The following CNGB3 variants were observed in gnomAD, a reference collection of about 807,000 sequenced individuals.
CNGB3 encodes cyclic nucleotide-gated channel beta-3.
In CNGB3, 86 loss-of-function variants were observed where a neutral mutation model predicts 92.8. The ratio of observed to expected loss-of-function variants is 0.93; its 90% CI spans 0.78 to 1.11. The LOEUF is 1.11. Among genes scored for constraint, CNGB3 ranks in the 50% least tolerant of loss-of-function variants. CNGB3 has a pLI of 0.00. For missense variants in CNGB3, 1,026 were observed against 956.8 expected (o/e 1.07, Z -0.95); for synonymous variants, 333 against 332.7 (o/e 1.00, Z -0.01).
chr8:86,690,543 GC>G (rs748401015), intron 3 of CNGB3, among the ~76,000 whole-genome samples: 26 of 152,158 alleles, frequency 1.7e-4, no homozygotes, highest in Non-Finnish European at 3.7e-4. Flanking sequence ...CTTTTGCTGT[GC>G]AGAAGCTCTT....
chr8:86,728,890 A>G (rs1825110689), intron 2 of CNGB3, among the ~76,000 whole-genome samples: 1 of 152,136 alleles, frequency 6.6e-6, no homozygotes, highest in African/African-American at 2.4e-5. Context: ...ACTGTAAAAC[A>G]TTTCTTAAAG....
chr8:86,726,383 T>C, intron 3 of CNGB3, 148 bp downstream of exon 3: 2 of 1,119,032 alleles, frequency 1.8e-6, no homozygotes, highest in Non-Finnish European at 2.7e-6. Context: ...ACCAACCTTT[T>C]AGTTCTGACA....
At chr8:86,643,057 G>A (rs1370374696) in intron 10 of CNGB3, among the ~76,000 whole-genome samples, 1 of 150,916 alleles carries the variant, frequency 6.6e-6, no homozygotes, top group Non-Finnish European at 1.5e-5. Flanking sequence ...TTTTGATCAT[G>A]ATCCAGAGTA....
At chr8:86,694,548 T>C (rs1490413342) in intron 3 of CNGB3, among the ~76,000 whole-genome samples, 1 of 143,666 alleles carries the variant, frequency 7.0e-6, no homozygotes, top group Non-Finnish European at 1.5e-5. Flanking sequence ...TCAGACGGGG[T>C]GGTTGCCAGG....
chr8:86,645,434 C>T (rs1030155526), intron 8 of CNGB3, among the ~76,000 whole-genome samples: 1 of 151,204 alleles, frequency 6.6e-6, no homozygotes, highest in Non-Finnish European at 1.5e-5. Flanking sequence ...GGAAAAGTCT[C>T]TTGCTATTTC....
intron 13 of CNGB3, among the ~76,000 whole-genome samples, chr8:86,624,972 C>A (rs1822817547): frequency 6.6e-6 from 1 of 152,146 alleles, no homozygotes; most frequent in Admixed American, 6.5e-5. Flanking sequence ...CTGACCACAC[C>A]TGCCTTGGTC....
At chr8:86,728,590 G>A (rs1825104516) in intron 2 of CNGB3, among the ~76,000 whole-genome samples, 1 of 152,250 alleles carries the variant, frequency 6.6e-6, no homozygotes, top group African/African-American at 2.4e-5. Context: ...GACAATTACT[G>A]TATGATATTT....
At chr8:86,661,939 A>AAG in intron 6 of CNGB3, 1 of 679,762 alleles carries the variant, frequency 1.5e-6, no homozygotes, top group South Asian at 1.7e-5. Context: ...TAGGCACGAG[A>AAG]AGAGGCTCAA....
intron 13 of CNGB3, among the ~76,000 whole-genome samples, chr8:86,619,622 C>A (rs893791061): frequency 3.3e-5 from 5 of 151,472 alleles, no homozygotes; most frequent in African/African-American, 1.2e-4. Context: ...AGATTCAGAG[C>A]CTTTTCTTAG....
At chr8:86,622,119 CT>C (rs1423159784) in intron 13 of CNGB3, among the ~76,000 whole-genome samples, 3 of 152,076 alleles carry the variant, frequency 2.0e-5, no homozygotes, top group Admixed American at 6.6e-5. Context: ...TATTTTGTTC[CT>C]TTTTATGGCT....
At chr8:86,635,097 T>C (rs2131587243) in intron 10 of CNGB3, among the ~76,000 whole-genome samples, 1 of 152,176 alleles carries the variant, frequency 6.6e-6, no homozygotes, top group Non-Finnish European at 1.5e-5. Flanking sequence ...CAGTCTTCCT[T>C]GGACTTACTA....
At chr8:86,642,995 G>A (rs762091943) in intron 10 of CNGB3, among the ~76,000 whole-genome samples, 32 of 151,290 alleles carry the variant, frequency 2.1e-4, no homozygotes, top group African/African-American at 6.5e-4. Flanking sequence ...AATCGGCATC[G>A]GAGTTATTAA....
At chr8:86,654,226 T>A (rs1432081014) in intron 6 of CNGB3, among the ~76,000 whole-genome samples, 164 bp from the exon 7 acceptor site, 1 of 152,178 alleles carries the variant, frequency 6.6e-6, no homozygotes, top group Non-Finnish European at 1.5e-5. Flanking sequence ...TGGCTTTAGT[T>A]TTCTTCTTAC....
In CNGB3 at chr8:86,586,310, A is replaced by G. The variant is rs201379639; in HGVS notation, c.1782-7058T>C. On this transcript the variant is annotated intron_variant, in intron 15 of 17. Coordinates refer to ENST00000320005, the MANE Select transcript of CNGB3 (RefSeq NM_019098.5). ...TTACTACTAAGAATATTGTAATAGT[A>G]ACATTAATAGATAATATTTTTTTTT... is the stretch of plus-strand genomic sequence containing the variant. Among the ~76,000 whole-genome samples, 61 of 147,680 alleles carry G rather than the reference A, an allele frequency of 4.1e-4. No homozygotes were observed. In the East Asian group the frequency reaches 0.01, roughly 25 times the overall value.
rs1232391492 is a variant in CNGB3, at chr8:86,662,000, C to G, written c.852+4925G>C. On this transcript the variant is annotated intron_variant, in intron 6 of 17. Transcript: ENST00000320005. ...CGTGGTGTCTTGTCCACAGGAGATT[C>G]GGCAATGTGTAAATATTCAGGAGAC... 3 of 410,168 alleles carry G rather than the reference C, an allele frequency of 7.3e-6. No individual in the cohort carries two copies. The South Asian group carries it at 1.3e-4, about 18-fold the overall frequency. The allele number at this position is 410,168 out of a possible 1,614,324, so 25.4% of individuals were successfully genotyped here. A position where few individuals can be genotyped will look rare whatever the true frequency, so the allele number is the denominator to read the frequency against.
intron 15 of CNGB3, chr8:86,594,646 G>T: frequency 9.9e-6 from 2 of 202,558 alleles, no homozygotes; most frequent in South Asian, 7.4e-5. Context: ...ACCTGCTGAG[G>T]GATGTCTGCA....
intron 15 of CNGB3, among the ~76,000 whole-genome samples, chr8:86,598,094 T>C (rs913310158): frequency 2.0e-5 from 3 of 152,146 alleles, no homozygotes; most frequent in Admixed American, 6.5e-5. Flanking sequence ...CTCTACAGGA[T>C]CTCATAGGTA....
rs769889004 is a variant in CNGB3, at chr8:86,579,241, G to A, written c.1793C>T (p.Ala598Val). Reference sequence around the variant, plus strand: ...GGCAGTTCGACGGTTTCCTCCTCCTGCTGCTAGAAGGCTGTAAGAGAGAAA... The same window carrying A: ...GGCAGTTCGACGGTTTCCTCCTCCTACTGCTAGAAGGCTGTAAGAGAGAAA... The part of the protein sequence containing the change: ...SVFGEISLLA[A>V]GGGNRRTANV... The change falls in exon 16 of 18, where the codon GCA becomes GTA. Residue 598 changes from alanine (A) to valine (V), a missense_variant. Physicochemically the swap from Ala to Val is moderately conservative, Grantham distance 64 (BLOSUM62 0). Coordinates refer to ENST00000320005, the MANE Select transcript of CNGB3 (RefSeq NM_019098.5). 1 of 1,614,004 alleles carries A rather than the reference G, an allele frequency of 6.2e-7. No individual in the cohort carries two copies. The highest frequency in any genetic ancestry group is 8.5e-7 in the Non-Finnish European group (1 of 1,179,952).
intron 6 of CNGB3, chr8:86,659,657 A>T (rs1421704183): frequency 1.3e-5 from 6 of 466,540 alleles, no homozygotes; most frequent in Non-Finnish European, 2.5e-5. Flanking sequence ...AGATCCTTTG[A>T]CTCTCCTTCA....
Sources: gnomAD v4.1 joint callset for allele counts (sites outside exome capture counted in the v4.1 genomes callset) on GRCh38, gnomAD v4.1.1 for gene constraint, MANE v1.5 for transcripts, NCBI Gene and HGNC (gene_info 2026-07-23, HGNC 2026-07-21) for gene names.